The following ADGB variants were observed in gnomAD, a reference collection of about 807,000 sequenced individuals.
The protein encoded by ADGB is androglobin.
A neutral mutation model predicts 210.5 loss-of-function variants in ADGB; 172 were observed. The ratio of observed to expected loss-of-function variants is 0.82; its 90% confidence interval spans 0.72 to 0.93. ADGB has a LOEUF of 0.93. Ranked by LOEUF, ADGB falls within the 40% of genes least tolerant of loss-of-function variation. ADGB has a pLI of 0.00. For synonymous variants in ADGB, 658 were observed against 662.7 expected (o/e 0.99, Z 0.11); for missense variants, 2,025 against 1,964.8 (o/e 1.03, Z -0.58).
At chr6:146,613,116 C>A (rs1469956458) in intron 1 of ADGB, among the ~76,000 whole-genome samples, 1 of 152,088 alleles carries the variant, frequency 6.6e-6, no homozygotes, top group East Asian at 1.9e-4. Context: ...TATTCTCATT[C>A]ATTTTAAGTT....
chr6:146,811,278 T>C (rs1212270065), intron 35 of ADGB, among the ~76,000 whole-genome samples: 3 of 152,144 alleles, frequency 2.0e-5, no homozygotes, highest in Non-Finnish European at 4.4e-5. Flanking sequence ...CATAATACAA[T>C]GTGTCTTGCT....
intron 13 of ADGB, among the ~76,000 whole-genome samples, chr6:146,706,500 C>T (rs1043075758): frequency 2.0e-5 from 3 of 152,046 alleles, no homozygotes; most frequent in Non-Finnish European, 4.4e-5. Context: ...CCTCGTCATC[C>T]ACCTGCCTCA....
rs746162906 is a variant in ADGB, at chr6:146,736,470, C to T, written c.2795-28C>T. 76 of 1,384,870 alleles carry T rather than the reference C, an allele frequency of 5.5e-5. No homozygotes were observed. In the Middle Eastern group the frequency reaches 7.0e-4, roughly 13 times the overall value. 85.8% of individuals were successfully genotyped at this position (1,384,870 alleles called of 1,614,324 possible). On this transcript the variant is annotated intron_variant, in intron 22 of 35. Coordinates refer to ENST00000397944, the MANE Select transcript of ADGB (RefSeq NM_024694.4). Reference sequence around the variant, plus strand: ...ATCTTTCAGGCATCTTAAAGCTTAACGTTTTTATTATTTATTATTATTTTT... The same window carrying T: ...ATCTTTCAGGCATCTTAAAGCTTAATGTTTTTATTATTTATTATTATTTTT...
intron 6 of ADGB, among the ~76,000 whole-genome samples, chr6:146,666,163 C>T (rs9497599): frequency 0.024 from 3,605 of 152,024 alleles, 118 homozygotes; most frequent in African/African-American, 0.082. Flanking sequence ...CAGCTGAAGC[C>T]GTGACTCCCG....
intron 6 of ADGB, among the ~76,000 whole-genome samples, chr6:146,664,798 T>C (rs1232885387): frequency 6.6e-6 from 1 of 152,078 alleles, no homozygotes; most frequent in South Asian, 2.1e-4. Flanking sequence ...TTCATGATTT[T>C]GGTAACATTG....
intron 1 of ADGB, among the ~76,000 whole-genome samples, chr6:146,631,403 A>G (rs991048073): frequency 1.3e-5 from 2 of 152,200 alleles, no homozygotes; most frequent in African/African-American, 4.8e-5. Flanking sequence ...AGAGAGAAGT[A>G]TCTCACAGAA....
chr6:146,660,791 A>G (rs191542726), intron 5 of ADGB, among the ~76,000 whole-genome samples: 1 of 152,182 alleles, frequency 6.6e-6, no homozygotes, highest in African/African-American at 2.4e-5. Context: ...AAATATTTGC[A>G]AATTCTTAAT....
At chr6:146,676,552 A>G (rs1776087422) in intron 9 of ADGB, 111 bp downstream of exon 9, 4 of 1,056,234 alleles carry the variant, frequency 3.8e-6, no homozygotes, top group Admixed American at 4.1e-5. Context: ...AAATAAACTT[A>G]GTCAAGGTTG....
chr6:146,718,172 C>A (rs550908134), intron 16 of ADGB, among the ~76,000 whole-genome samples: 1 of 152,110 alleles, frequency 6.6e-6, no homozygotes, highest in Admixed American at 6.5e-5. Context: ...CATGGTGAAA[C>A]CCCATCTCTG....
At chr6:146,779,340 C>G (rs137976548) in intron 29 of ADGB, among the ~76,000 whole-genome samples, 1 of 152,264 alleles carries the variant, frequency 6.6e-6, no homozygotes, top group East Asian at 1.9e-4. Context: ...CACCATCACA[C>G]ATACCAGCAT....
At chr6:146,745,850 C>G (rs1479583558) in intron 25 of ADGB, 72 bp from the exon 26 acceptor site, 1 of 1,188,414 alleles carries the variant, frequency 8.4e-7, no homozygotes, top group African/African-American at 1.5e-5. Context: ...ACATTTAGCA[C>G]TATTAGATAT....
intron 9 of ADGB, among the ~76,000 whole-genome samples, chr6:146,677,588 C>T (rs1309117038): frequency 6.6e-6 from 1 of 152,128 alleles, no homozygotes; most frequent in Non-Finnish European, 1.5e-5. Flanking sequence ...ATTACATTAG[C>T]AGATTTACTG....
At chr6:146,628,241 T>A (rs1477094760) in intron 1 of ADGB, among the ~76,000 whole-genome samples, 1 of 151,704 alleles carries the variant, frequency 6.6e-6, no homozygotes, top group African/African-American at 2.4e-5. Flanking sequence ...TTAAAAATTA[T>A]TTTTTTCTTT....
At chr6:146,773,276 A>G (rs1428905273) in intron 29 of ADGB, among the ~76,000 whole-genome samples, 2 of 115,846 alleles carry the variant, frequency 1.7e-5, no homozygotes, top group Non-Finnish European at 4.0e-5. Context: ...AAAGGCATAC[A>G]TAGAGAAAAA....
At chr6:146,803,241 T>G in intron 35 of ADGB, 1 of 1,567,326 alleles carries the variant, frequency 6.4e-7, no homozygotes. Context: ...GAACAAAACT[T>G]GGACCATTGT....
At chr6:146,609,578 A>G (rs1285906521) in intron 1 of ADGB, among the ~76,000 whole-genome samples, 1 of 152,178 alleles carries the variant, frequency 6.6e-6, no homozygotes, top group Non-Finnish European at 1.5e-5. Flanking sequence ...TGTGGTGGCC[A>G]GCAACAGTCT....
rs1449509696 is a variant in ADGB at position 146,770,205 on chromosome 6, G to A, written c.3862+1074G>A. 8.5e-5 allele frequency among the ~76,000 whole-genome samples: 13 copies of A among 152,236 alleles called. No homozygotes were observed. In the East Asian group the frequency reaches 2.5e-3, roughly 29 times the overall value. ...TTATTTATTAATTGCCAACAACTCTGTTCAGGCGTTTGCTTGCTTCTATTA... is the reference window on the plus strand; with the variant it reads ...TTATTTATTAATTGCCAACAACTCTATTCAGGCGTTTGCTTGCTTCTATTA... On this transcript the variant is annotated intron_variant, in intron 29 of 35. Coordinates refer to ENST00000397944, the MANE Select transcript of ADGB (RefSeq NM_024694.4).
chr6:146,663,780 T>G lies in ADGB; in HGVS notation c.613-421T>G, dbSNP rs538158330. Among the ~76,000 whole-genome samples the G allele has an allele frequency of 2.0e-5, 3 of 152,232 alleles. No individual in the cohort carries two copies. The East Asian group carries it at 5.8e-4, about 29-fold the overall frequency. On this transcript the variant is annotated intron_variant, in intron 5 of 35. Coordinates refer to ENST00000397944, the MANE Select transcript of ADGB (RefSeq NM_024694.4). ...ATTGGAAGTGTAAGATCAGTGAGGATACATCAAGATAAGCAATAATTACTA... is the reference window on the plus strand; with the variant it reads ...ATTGGAAGTGTAAGATCAGTGAGGAGACATCAAGATAAGCAATAATTACTA...
chr6:146,760,142 T>A (rs2114620747), intron 27 of ADGB, among the ~76,000 whole-genome samples: 1 of 152,012 alleles, frequency 6.6e-6, no homozygotes, highest in African/African-American at 2.4e-5. Flanking sequence ...ATAATTTATA[T>A]ACAGCAAAAA....
Sources: allele counts gnomAD v4.1 joint callset (sites outside exome capture counted in the v4.1 genomes callset), GRCh38; gene constraint gnomAD v4.1.1; transcripts MANE v1.5; gene names NCBI Gene and HGNC (gene_info 2026-07-23, HGNC 2026-07-21).